DENND1B: variants seen among roughly 807,000 people sequenced by gnomAD.
DENND1B encodes the protein DENN domain containing 1B, also known as DENN domain-containing protein 1B.
In DENND1B, 59 loss-of-function variants were observed where a neutral mutation model predicts 90.1. The observed-to-expected ratio is 0.65, with a 90% confidence interval of 0.53 to 0.81. The LOEUF (loss-of-function observed/expected upper bound fraction) is 0.81, where lower values mean the gene tolerates loss of function less well. DENND1B is among the 40% of genes least tolerant of loss of function. DENND1B has a pLI of 0.00. For missense variants in DENND1B, 862 were observed against 912.6 expected (o/e 0.94, Z 0.71); for synonymous variants, 337 against 324.6 (o/e 1.04, Z -0.41).
In DENND1B at chr1:197,512,864, T is replaced by C; in HGVS notation, c.1598+7A>G. The stretch of plus-strand genomic sequence containing the variant: ...CACTTAATAGGACACCAAAATCCAT[T>C]ACTTACTTGCTTGCTCTTTCAATGT... On this transcript the variant is annotated splice_region_variant and intron_variant, in intron 21 of 22. Transcript: ENST00000620048. The C allele has an allele frequency of 6.2e-7, 1 of 1,609,564 alleles. No individual in the cohort carries two copies. Among genetic ancestry groups the C allele is most frequent in the Non-Finnish European group, 8.5e-7 (1 of 1,177,496 alleles).
chr1:197,622,807 G>C (rs1360291455), intron 10 of DENND1B, among the ~76,000 whole-genome samples: 2 of 151,410 alleles, frequency 1.3e-5, no homozygotes, highest in African/African-American at 2.4e-5. Flanking sequence ...AATCTGATTT[G>C]TTCCTTCTTC....
intron 3 of DENND1B, among the ~76,000 whole-genome samples, chr1:197,677,245 T>C (rs1022425879): frequency 1.3e-5 from 2 of 152,156 alleles, no homozygotes; most frequent in African/African-American, 4.8e-5. Context: ...GATATACCTG[T>C]AAGCAATCTC....
intron 15 of DENND1B, among the ~76,000 whole-genome samples, chr1:197,577,902 G>C (rs1673829595): frequency 6.6e-6 from 1 of 152,132 alleles, no homozygotes; most frequent in East Asian, 1.9e-4. Flanking sequence ...CAGAAACTGA[G>C]ACCAAAAGAG....
intron 2 of DENND1B, among the ~76,000 whole-genome samples, chr1:197,744,941 AG>A (rs1050820896): frequency 2.0e-5 from 3 of 152,234 alleles, no homozygotes; most frequent in Non-Finnish European, 4.4e-5. Context: ...CATGTTACAG[AG>A]ATGGCTTCTT....
intron 14 of DENND1B, among the ~76,000 whole-genome samples, chr1:197,591,265 G>C (rs1438195514): frequency 1.3e-5 from 2 of 152,150 alleles, no homozygotes; most frequent in African/African-American, 4.8e-5. Flanking sequence ...AGCTCCTGTG[G>C]GGATGGGGGC....
At chr1:197,608,017 A>G (rs1461846824) in intron 12 of DENND1B, among the ~76,000 whole-genome samples, 3 of 150,756 alleles carry the variant, frequency 2.0e-5, no homozygotes, top group African/African-American at 7.2e-5. Flanking sequence ...TACATTCATG[A>G]ACTCTGAATT....
intron 10 of DENND1B, among the ~76,000 whole-genome samples, chr1:197,641,229 T>C (rs1397402020): frequency 6.6e-6 from 1 of 152,208 alleles, no homozygotes; most frequent in Non-Finnish European, 1.5e-5. Flanking sequence ...TACAATCTTT[T>C]TAATTTTGAG....
intron 18 of DENND1B, among the ~76,000 whole-genome samples, chr1:197,542,917 T>TTTTA (rs56325969): frequency 0.52 from 77,407 of 147,970 alleles, 20,818 homozygotes; most frequent in East Asian, 0.62. Flanking sequence ...TAGAAACCTT[T>TTTTA]TTTATTTATT....
intron 3 of DENND1B, among the ~76,000 whole-genome samples, chr1:197,682,689 G>T (rs60199260): frequency 0.017 from 2,536 of 152,224 alleles, 72 homozygotes; most frequent in African/African-American, 0.058. Flanking sequence ...CGAATAAGAA[G>T]TTGGCCAGGC....
At chr1:197,588,212 C>T (rs781341040) in intron 14 of DENND1B, among the ~76,000 whole-genome samples, 6 of 152,112 alleles carry the variant, frequency 3.9e-5, no homozygotes, top group Non-Finnish European at 8.8e-5. Flanking sequence ...AATAATTAAG[C>T]CACAAGTAAG....
chr1:197,520,808 C>T (rs1369385287), intron 20 of DENND1B, among the ~76,000 whole-genome samples: 2 of 151,882 alleles, frequency 1.3e-5, no homozygotes, highest in African/African-American at 2.4e-5. Context: ...AATTAGACTG[C>T]TCCTAGGGCC....
chr1:197,718,270 T>C (rs1660829533), intron 2 of DENND1B, among the ~76,000 whole-genome samples: 1 of 151,906 alleles, frequency 6.6e-6, no homozygotes, highest in African/African-American at 2.4e-5. Flanking sequence ...TACAATGCCC[T>C]ACAACATTCA....
chr1:197,677,221 T>G (rs1183178659), intron 3 of DENND1B, among the ~76,000 whole-genome samples: 1 of 152,090 alleles, frequency 6.6e-6, no homozygotes, highest in Non-Finnish European at 1.5e-5. Flanking sequence ...TTTCTTCTCT[T>G]CCCTACTCAG....
At chr1:197,671,421 T>C (rs1240601586) in intron 5 of DENND1B, among the ~76,000 whole-genome samples, 1 of 152,182 alleles carries the variant, frequency 6.6e-6, no homozygotes, top group Non-Finnish European at 1.5e-5. Flanking sequence ...GATAGGACCT[T>C]TGGAAACTAG....
chr1:197,675,727 T>C (rs908265386), intron 3 of DENND1B, among the ~76,000 whole-genome samples: 8 of 152,198 alleles, frequency 5.3e-5, no homozygotes, highest in Admixed American at 4.6e-4. Flanking sequence ...CCATTTTTAC[T>C]ATACATGTGA....
chr1:197,772,147 G>A (rs1656700869), intron 2 of DENND1B, among the ~76,000 whole-genome samples: 1 of 152,168 alleles, frequency 6.6e-6, no homozygotes, highest in Non-Finnish European at 1.5e-5. Flanking sequence ...ACATCAGAAG[G>A]GAAGTGGTGT....
At position 197,681,319 on chromosome 1, in the gene DENND1B, T is replaced by C. The variant is rs74794436; in HGVS notation, c.127-7150A>G. 8.4e-3 allele frequency among the ~76,000 whole-genome samples: 1,272 copies of C among 152,230 alleles called. 19 individuals carry two copies. Among genetic ancestry groups the C allele is most frequent in the African/African-American group, 0.028 (1,168 of 41,544 alleles). On this transcript the variant is annotated intron_variant, in intron 3 of 22. Coordinates refer to ENST00000620048, the MANE Select transcript of DENND1B (RefSeq NM_001195215.2). ...CTGTTAACATTGCAAAGTTATCCGA[T>C]GTACATATCTGATGATTTCATCACA... is the stretch of plus-strand genomic sequence containing the variant.
chr1:197,727,460 G>A (rs113737923), intron 2 of DENND1B, among the ~76,000 whole-genome samples: 10 of 151,690 alleles, frequency 6.6e-5, no homozygotes, highest in African/African-American at 1.5e-4. Flanking sequence ...GCGTGAACCC[G>A]GGAGGCGGAG....
At chr1:197,777,158 A>G (rs1571718419), upstream of DENND1B, among the ~76,000 whole-genome samples, 1 of 152,166 alleles carries the variant, frequency 6.6e-6, no homozygotes, top group East Asian at 1.9e-4. Flanking sequence ...GAATTTCTCA[A>G]ACTTCTCCTT....
Sources: allele counts gnomAD v4.1 joint callset (sites outside exome capture counted in the v4.1 genomes callset), GRCh38; gene constraint gnomAD v4.1.1; transcripts MANE v1.5; gene names NCBI Gene and HGNC (gene_info 2026-07-23, HGNC 2026-07-21).